Variants in ADCY2 observed in about 807,000 individuals in gnomAD.
ADCY2 encodes the protein adenylate cyclase type 2.
ADCY2 carries 31 observed loss-of-function variants against 125.2 expected under a neutral mutation model. The ratio of observed to expected loss-of-function variants is 0.25; its 90% CI spans 0.19 to 0.33. ADCY2 has a LOEUF of 0.33. ADCY2 is among the 10% of genes least tolerant of loss of function. The pLI is 1.00. For missense variants in ADCY2, 904 were observed against 1,418.2 expected (o/e 0.64, Z 5.82); for synonymous variants, 512 against 548.4 (o/e 0.93, Z 0.93).
chr5:7,798,482 C>T (rs1744492674), intron 20 of ADCY2: 1 of 152,066 alleles, frequency 6.6e-6, no homozygotes, highest in Admixed American at 6.5e-5. Flanking sequence ...AGAGTAGAAA[C>T]CAACTGATCC....
chr5:7,466,566 A>ACTGTG (rs1356941245), intron 2 of ADCY2, among the ~76,000 whole-genome samples: 2 of 152,132 alleles, frequency 1.3e-5, no homozygotes, highest in Non-Finnish European at 2.9e-5. Context: ...GTCTCTAATC[A>ACTGTG]CTGTGCTATC....
chr5:7,820,636 A>G lies in ADCY2; in HGVS notation c.3070A>G (p.Thr1024Ala), dbSNP rs1444537371. 6.2e-7 allele frequency: 1 copy of G among 1,614,024 alleles called. No homozygotes were observed. Among genetic ancestry groups the G allele is most frequent in the African/African-American group, 1.3e-5 (1 of 74,920 alleles). The change falls in exon 24 of 25, where the codon ACT becomes GCT. Residue 1024 changes from threonine (T) to alanine (A), a missense_variant. Thr to Ala is a moderately conservative substitution (Grantham distance 58). Around this residue, in one of 7 missense-constraint regions of ADCY2, gnomAD observed 181 missense variants for 381.6 expected, o/e 0.47. Coordinates refer to ENST00000338316, the MANE Select transcript of ADCY2 (RefSeq NM_020546.3). ...GCCACAATATGATATCTGGGGCAAC[A>G]CTGTCAATGTGGCCAGTAGGATGGA... Reference protein sequence around the residue: ...QKPQYDIWGNTVNVASRMDST... With the variant: ...QKPQYDIWGNAVNVASRMDST...
At chr5:7,716,910 A>G (rs959734833) in intron 11 of ADCY2, among the ~76,000 whole-genome samples, 1 of 152,216 alleles carries the variant, frequency 6.6e-6, no homozygotes, top group African/African-American at 2.4e-5. Context: ...GACTGTAGTT[A>G]GCAACAATGT....
chr5:7,576,518 G>C (rs1579590872), intron 3 of ADCY2, among the ~76,000 whole-genome samples: 1 of 152,194 alleles, frequency 6.6e-6, no homozygotes, highest in Non-Finnish European at 1.5e-5. Context: ...TTATGTAAAA[G>C]CTGGTATTAT....
chr5:7,488,716 G>A (rs1022358448), intron 2 of ADCY2, among the ~76,000 whole-genome samples: 1 of 152,146 alleles, frequency 6.6e-6, no homozygotes, highest in African/African-American at 2.4e-5. Context: ...CCACCAATGG[G>A]AATTTCTCCC....
chr5:7,589,416 AAGGGAGGG>A (rs1177707559), intron 3 of ADCY2, among the ~76,000 whole-genome samples: 1 of 142,378 alleles, frequency 7.0e-6, no homozygotes, highest in Non-Finnish European at 1.5e-5. Context: ...AAGAGGAAGG[AAGGGAGGG>A]AGGGAGGGAT....
At position 7,827,036 on chromosome 5, in the gene ADCY2, T is replaced by A; in HGVS notation, c.*165T>A. Reference sequence around the variant, plus strand: ...GTGGCATACCGTTTGGTGTCTGATGTGTGCCCAGATCGTTCTGCCACTTGC... The same window carrying A: ...GTGGCATACCGTTTGGTGTCTGATGAGTGCCCAGATCGTTCTGCCACTTGC... On this transcript the variant is annotated 3_prime_UTR_variant, in exon 25 of 25. Coordinates refer to ENST00000338316, the MANE Select transcript of ADCY2 (RefSeq NM_020546.3). 1.2e-6 allele frequency: 1 copy of A among 819,692 alleles called. No homozygotes were observed. Among genetic ancestry groups the A allele is most frequent in the Non-Finnish European group, 1.8e-6 (1 of 540,984 alleles). 50.8% of individuals were successfully genotyped at this position (819,692 alleles called of 1,614,324 possible). A position where few individuals can be genotyped will look rare whatever the true frequency, so the allele number is the denominator to read the frequency against.
chr5:7,609,695 A>G (rs1287220429), intron 3 of ADCY2, among the ~76,000 whole-genome samples: 2 of 152,246 alleles, frequency 1.3e-5, no homozygotes, highest in Admixed American at 6.5e-5. Context: ...CAAAACATTT[A>G]CTTTTGGCAA....
chr5:7,459,913 A>C (rs1741855989), intron 2 of ADCY2, among the ~76,000 whole-genome samples: 1 of 149,004 alleles, frequency 6.7e-6, no homozygotes, highest in African/African-American at 2.5e-5. Context: ...CAGCCTCCGG[A>C]GTAGCTGGGA....
rs1745579266 is a variant in ADCY2 at position 7,829,422 on chromosome 5, A to C, written c.*2551A>C. On this transcript the variant is annotated 3_prime_UTR_variant, in exon 25 of 25. Coordinates refer to ENST00000338316, the MANE Select transcript of ADCY2 (RefSeq NM_020546.3). ...AAACTGCCTGTTCCTTGAATCTGAA[A>C]GAGCATTATTCCTGGTCAAAGCTCC... 6.5e-6 allele frequency: 1 copy of C among 152,732 alleles called. No homozygotes were observed. The highest frequency in any genetic ancestry group is 6.5e-5 in the Admixed American group (1 of 15,288). 9.5% of individuals were successfully genotyped at this position (152,732 alleles called of 1,614,324 possible).
intron 2 of ADCY2, among the ~76,000 whole-genome samples, chr5:7,520,431 G>A (rs999063529): frequency 3.3e-5 from 5 of 152,142 alleles, no homozygotes; most frequent in African/African-American, 1.2e-4. Flanking sequence ...CTCAGTGCAT[G>A]TTCTAAAGCA....
intron 4 of ADCY2, among the ~76,000 whole-genome samples, chr5:7,680,336 C>T (rs1041468402): frequency 6.6e-6 from 1 of 152,150 alleles, no homozygotes; most frequent in Non-Finnish European, 1.5e-5. Context: ...AGCAAAGAGC[C>T]ATGTCGCTCA....
At chr5:7,486,654 G>A (rs1742942420) in intron 2 of ADCY2, among the ~76,000 whole-genome samples, 1 of 151,978 alleles carries the variant, frequency 6.6e-6, no homozygotes, top group Non-Finnish European at 1.5e-5. Context: ...GCTTCACCTT[G>A]CTCACATAGC....
At chr5:7,715,333 T>C (rs1741562466) in intron 11 of ADCY2, among the ~76,000 whole-genome samples, 1 of 152,214 alleles carries the variant, frequency 6.6e-6, no homozygotes, top group South Asian at 2.1e-4. Context: ...TTGTTAGCAC[T>C]GGACAAAATA....
chr5:7,702,243 T>G (rs1348348318), intron 7 of ADCY2, among the ~76,000 whole-genome samples: 11 of 151,502 alleles, frequency 7.3e-5, no homozygotes, highest in Non-Finnish European at 1.3e-4. Context: ...TTTTTTTTTT[T>G]TAAACTTTCA....
Position 7,743,196 on chromosome 5 carries a change from G to A in ADCY2, c.1872-472G>A, listed in dbSNP as rs76175577. Among the ~76,000 whole-genome samples, 1,043 of 152,124 alleles carry A rather than the reference G, an allele frequency of 6.9e-3. 5 individuals are homozygous for A. The highest frequency in any genetic ancestry group is 0.011 in the Non-Finnish European group (731 of 68,000). ...ATGTTGAACAAAATAGGTTGAATCT[G>A]GTTTCATGAGATTGGGGAGGGTGAG... On this transcript the variant is annotated intron_variant, in intron 14 of 24. Transcript: ENST00000338316.
chr5:7,712,801 C>T, intron 10 of ADCY2, 55 bp from the exon 11 acceptor site: 1 of 1,225,066 alleles, frequency 8.2e-7, no homozygotes, highest in African/African-American at 1.5e-5. Flanking sequence ...ATTATCATTG[C>T]AACATTCTTC....
At chr5:7,599,425 A>T (rs1476500178) in intron 3 of ADCY2, among the ~76,000 whole-genome samples, 2 of 152,208 alleles carry the variant, frequency 1.3e-5, no homozygotes, top group African/African-American at 2.4e-5. Flanking sequence ...AGTTTCAGTG[A>T]TTGGGTAGTG....
intron 2 of ADCY2, among the ~76,000 whole-genome samples, chr5:7,498,039 A>G (rs886939177): frequency 6.6e-6 from 1 of 152,124 alleles, no homozygotes; most frequent in Non-Finnish European, 1.5e-5. Flanking sequence ...AAAAACAACA[A>G]TAATAGTAAA....
Sources: gnomAD v4.1 joint callset for allele counts (sites outside exome capture counted in the v4.1 genomes callset) on GRCh38, gnomAD v4.1.1 for gene constraint, gnomAD v4.1.1 regional missense constraint, MANE v1.5 for transcripts, NCBI Gene and HGNC (gene_info 2026-07-23, HGNC 2026-07-21) for gene names.